The following SPOUT1 variants were observed in gnomAD, a reference collection of about 807,000 sequenced individuals.
The protein encoded by SPOUT1 is 28S rRNA (uridine-N(3))-methyltransferase.
In SPOUT1, 40 loss-of-function variants were observed where a neutral mutation model predicts 54.8. The ratio of observed to expected loss-of-function variants is 0.73; its 90% CI spans 0.57 to 0.95. The LOEUF (loss-of-function observed/expected upper bound fraction) is 0.95, where lower values mean the gene tolerates loss of function less well. Among genes scored for constraint, SPOUT1 ranks in the 40% least tolerant of loss-of-function variants. The probability of loss-of-function intolerance (pLI) is 0.00; values close to 1 mark genes in which losing one functional copy is unlikely to be tolerated. For missense variants in SPOUT1, 437 were observed against 499.5 expected (o/e 0.87, Z 1.19); for synonymous variants, 193 against 200.3 (o/e 0.96, Z 0.31).
intron 3 of SPOUT1, among the ~76,000 whole-genome samples, chr9:128,828,174 A>G (rs1245893653): frequency 6.6e-6 from 1 of 152,172 alleles, no homozygotes; most frequent in African/African-American, 2.4e-5. Flanking sequence ...CAGGAAGATC[A>G]TGAAGTTCTA....
chr9:128,826,317 A>G lies in SPOUT1; in HGVS notation c.508+67T>C. The G allele has an allele frequency of 6.3e-7, 1 of 1,584,632 alleles. No individual in the cohort carries two copies. The highest frequency in any genetic ancestry group is 8.7e-7 in the Non-Finnish European group (1 of 1,153,394). On this transcript the variant is annotated intron_variant, in intron 6 of 11. Coordinates refer to ENST00000361256, the MANE Select transcript of SPOUT1 (RefSeq NM_016390.4). This position sits in a 1 kb window ranked among gnomAD's most constrained non-coding sequence, Gnocchi z 5.5. ...TCCCACCTGGACAGCGCAGGGTAGG[A>G]CTGGGTGGTCTCAGTGTCTGTGGCA...
chr9:128,822,207 G>A lies in SPOUT1; in HGVS notation c.*558C>T, dbSNP rs1013067813. The A allele has an allele frequency of 1.4e-5, 17 of 1,223,870 alleles. No homozygotes were observed. Among genetic ancestry groups the A allele is most frequent in the Non-Finnish European group, 1.8e-5 (16 of 890,174 alleles). The allele number at this position is 1,223,870 out of a possible 1,614,324, so 75.8% of individuals were successfully genotyped here. A position where few individuals can be genotyped will look rare whatever the true frequency, so the allele number is the denominator to read the frequency against. ...CCAGGCAGGCTACAGAAGTCTCACA[G>A]TGAGGGCGTGGTCCTGCAGGTTGAC... On this transcript the variant is annotated 3_prime_UTR_variant, in exon 12 of 12. Coordinates refer to ENST00000361256, the MANE Select transcript of SPOUT1 (RefSeq NM_016390.4).
chr9:128,826,574 G>A lies in SPOUT1; in HGVS notation c.424C>T (p.Leu142=), dbSNP rs1445192505. ...VGKKGQACVQ[L]ARILQYLECP... ...TCCAGGTACTGCAGGATCCGGGCCA[G>A]CTGTACGCACGCCTGCCCCTTCTTC... The change falls in exon 5 of 12, where the codon CTG becomes TTG. Residue 142 remains leucine (L), a synonymous_variant. Transcript: ENST00000361256. This position sits in a 1 kb window ranked among gnomAD's most constrained non-coding sequence, Gnocchi z 5.5. 4 of 1,607,432 alleles carry A rather than the reference G, an allele frequency of 2.5e-6. No homozygotes were observed. The highest frequency in any genetic ancestry group is 1.7e-4 in the Middle Eastern group (1 of 6,032).
At chr9:128,823,965 T>A (rs891223346) in intron 10 of SPOUT1, 71 bp from the exon 11 acceptor site, 2 of 1,592,244 alleles carry the variant, frequency 1.3e-6, no homozygotes, top group African/African-American at 2.7e-5. Context: ...CAGACCTCAG[T>A]CCCTCCCCAC....
In SPOUT1 at chr9:128,822,702, A is replaced by C; in HGVS notation, c.*63T>G. The C allele has an allele frequency of 6.4e-7, 1 of 1,554,302 alleles. No individual in the cohort carries two copies. The highest frequency in any genetic ancestry group is 8.7e-7 in the Non-Finnish European group (1 of 1,148,238). The stretch of plus-strand genomic sequence containing the variant: ...GACAAGTCTGGTGGCGTCCGTCCCA[A>C]GTGACCTGCAGAGCCCCTGGTTTCA... On this transcript the variant is annotated 3_prime_UTR_variant, in exon 12 of 12. Transcript: ENST00000361256.
At chr9:128,829,065 G>T in intron 2 of SPOUT1, 45 bp downstream of exon 2, 1 of 1,563,886 alleles carries the variant, frequency 6.4e-7, no homozygotes, top group Non-Finnish European at 8.8e-7. Flanking sequence ...ACTGAGCACT[G>T]GTGGAGTGGC....
rs1830149032 is a variant in SPOUT1 at position 128,822,661 on chromosome 9, G to A, written c.*104C>T. On this transcript the variant is annotated 3_prime_UTR_variant, in exon 12 of 12. Coordinates refer to ENST00000361256, the MANE Select transcript of SPOUT1 (RefSeq NM_016390.4). ...TGTGTGCAGGCCGGGGAGTATTAAA[G>A]GTGGTGATTTTTGGAGACAAGTCTG... The A allele has an allele frequency of 1.3e-6, 2 of 1,554,678 alleles. No homozygotes were observed. The highest frequency in any genetic ancestry group is 2.0e-5 in the Admixed American group (1 of 51,096).
At position 128,826,148 on chromosome 9, in the gene SPOUT1, G is replaced by A. The variant is rs148527004; in HGVS notation, c.513C>T (p.Leu171=). ...GGTGGGGGCTGTCCAGGGGGTTCAG[G>A]AGCCCTGTGGAGGCAGAGCCGGGAA... The part of the protein sequence containing the change: ...PKHQDLQFAG[L]LNPLDSPHHM... The change falls in exon 7 of 12, where the codon CTC becomes CTT. Residue 171 remains leucine (L), a synonymous_variant. Coordinates refer to ENST00000361256, the MANE Select transcript of SPOUT1 (RefSeq NM_016390.4). The surrounding 1 kb of genome is among the most constrained non-coding windows in gnomAD (Gnocchi z 5.5). 7 of 1,604,054 alleles carry A rather than the reference G, an allele frequency of 4.4e-6. No individual in the cohort carries two copies. The highest frequency in any genetic ancestry group is 5.1e-6 in the Non-Finnish European group (6 of 1,174,856).
In SPOUT1 at chr9:128,824,799, G is replaced by T; in HGVS notation, c.783C>A (p.Gly261=). 6.2e-7 allele frequency: 1 copy of T among 1,613,796 alleles called. No individual in the cohort carries two copies. Among genetic ancestry groups the T allele is most frequent in the Non-Finnish European group, 8.5e-7 (1 of 1,179,710 alleles). The change falls in exon 9 of 12, where the codon GGC becomes GGA. Residue 261 remains glycine, a synonymous_variant. Transcript: ENST00000361256. ...GGCAGGAAGCCAGTCGGACGGTGTA[G>T]CCCCAGTAGAGACCAGCTTTGGTGC... ...DPRTKAGLYW[G]YTVRLASCLS...
At chr9:128,827,846 G>T (rs1830271174) in intron 3 of SPOUT1, among the ~76,000 whole-genome samples, 1 of 152,176 alleles carries the variant, frequency 6.6e-6, no homozygotes, top group African/African-American at 2.4e-5. Flanking sequence ...CGATTGAACT[G>T]GGAAGTGGAG....
In SPOUT1 at chr9:128,825,055, G is replaced by T; in HGVS notation, c.640-6C>A. 1 of 1,560,320 alleles carries T rather than the reference G, an allele frequency of 6.4e-7. No individual in the cohort carries two copies. The highest frequency in any genetic ancestry group is 2.4e-5 in the East Asian group (1 of 42,366). On this transcript the variant is annotated splice_region_variant and splice_polypyrimidine_tract_variant and intron_variant, in intron 7 of 11. Transcript: ENST00000361256. ...TTCTTGTCAATCTTCACCTCCTGGG[G>T]AGAAGCCAGAAGAAATGGGTGCCAT...
Position 128,820,967 on chromosome 9 carries a change from T to G in SPOUT1, c.*1798A>C. On this transcript the variant is annotated 3_prime_UTR_variant, in exon 12 of 12. Transcript: ENST00000361256. ...AATACCAGTTCCCTACTCATCTGGT[T>G]TCTTGGCAAGCCTGTCAGCTTCCCT... 1 of 897,266 alleles carries G rather than the reference T, an allele frequency of 1.1e-6. No homozygotes were observed. Among genetic ancestry groups the G allele is most frequent in the East Asian group, 2.7e-5 (1 of 37,612 alleles). The allele number at this position is 897,266 out of a possible 1,614,324, so 55.6% of individuals were successfully genotyped here.
chr9:128,825,153 A>G, intron 7 of SPOUT1, 104 bp from the exon 8 acceptor site: 1 of 817,032 alleles, frequency 1.2e-6, no homozygotes, highest in East Asian at 2.7e-5. Context: ...GCAAGGGACC[A>G]AGGGGTCCAG....
At chr9:128,829,068 G>C (rs747876186) in intron 2 of SPOUT1, 42 bp downstream of exon 2, 1 of 1,571,590 alleles carries the variant, frequency 6.4e-7, no homozygotes, top group East Asian at 2.2e-5. Context: ...GAGCACTGGT[G>C]GAGTGGCCTA....
chr9:128,820,428 AC>A lies in SPOUT1; in HGVS notation c.*2336del. The A allele has an allele frequency of 3.1e-6, 1 of 320,922 alleles. No homozygotes were observed. Among genetic ancestry groups the A allele is most frequent in the Non-Finnish European group, 5.8e-6 (1 of 172,814 alleles). The allele number at this position is 320,922 out of a possible 1,614,324, so 19.9% of individuals were successfully genotyped here. On this transcript the variant is annotated 3_prime_UTR_variant, in exon 12 of 12. Transcript: ENST00000361256. ...TTGGAAGGGCTGGTCTTCCCAGGAGACCCTGGGTGGGGCTGGGGACAGGCCT... is the reference window on the plus strand; with the variant it reads ...TTGGAAGGGCTGGTCTTCCCAGGAGACCTGGGTGGGGCTGGGGACAGGCCT...
At position 128,820,725 on chromosome 9, in the gene SPOUT1, A is replaced by C. The variant is rs565666069; in HGVS notation, c.*2040T>G. The C allele has an allele frequency of 1.4e-4, 231 of 1,599,950 alleles. 3 individuals are homozygous for C. In the South Asian group the frequency reaches 2.2e-3, roughly 15 times the overall value. On this transcript the variant is annotated 3_prime_UTR_variant, in exon 12 of 12. Coordinates refer to ENST00000361256, the MANE Select transcript of SPOUT1 (RefSeq NM_016390.4). ...CCCAGCCACAGTCCTGCTAAGCCCTATCTCTCCTACCAGGTGCCCCACCTC... is the reference window on the plus strand; with the variant it reads ...CCCAGCCACAGTCCTGCTAAGCCCTCTCTCTCCTACCAGGTGCCCCACCTC...
chr9:128,826,097 C>G lies in SPOUT1; in HGVS notation c.564G>C (p.Glu188Asp), dbSNP rs1350891224. The change falls in exon 7 of 12, where the codon GAG (glutamate) becomes GAC (aspartate). Residue 188 changes from glutamate (E) to aspartate (D), a missense_variant. Glu to Asp is a conservative substitution (Grantham distance 45). Coordinates refer to ENST00000361256, the MANE Select transcript of SPOUT1 (RefSeq NM_016390.4). The surrounding 1 kb of genome is among the most constrained non-coding windows in gnomAD (Gnocchi z 5.5). The stretch of plus-strand genomic sequence containing the variant: ...GATCCACCACGATGCCCTCTCGGAA[C>G]TCGGATTCCTCATCCTGACGCATGT... ...PHHMRQDEES[E>D]FREGIVVDRP... The G allele has an allele frequency of 3.7e-6, 6 of 1,613,742 alleles. No homozygotes were observed. The South Asian group carries it at 6.6e-5, about 18-fold the overall frequency.
rs1247838119 is a variant in SPOUT1, at chr9:128,827,149, A to G, written c.251T>C (p.Leu84Pro). The G allele has an allele frequency of 6.2e-7, 1 of 1,613,984 alleles. No homozygotes were observed. The highest frequency in any genetic ancestry group is 2.2e-5 in the East Asian group (1 of 44,882). Reference protein sequence around the residue: ...TLSVALPGSILDNAQSPELRT... With the variant: ...TLSVALPGSIPDNAQSPELRT... ...AAGCTCCGGCGACTGAGCATTGTCCAGGATGGAGCCCGGCAGGGCTACGCT... is the reference window on the plus strand; with the variant it reads ...AAGCTCCGGCGACTGAGCATTGTCCGGGATGGAGCCCGGCAGGGCTACGCT... The change falls in exon 4 of 12, where the codon CTG (leucine) becomes CCG (proline). Residue 84 changes from leucine (L) to proline (P), a missense_variant. By Grantham distance (98) the Leu-to-Pro change is moderately conservative. Transcript: ENST00000361256.
rs1429315497 is a variant in SPOUT1, at chr9:128,829,040, T to C, written c.82+70A>G. ...ACCCAGAGGGAACAAAGTTGGTGTC[T>C]TTCTCCAGGGTTTGACTGAGCACTG... is the stretch of plus-strand genomic sequence containing the variant. On this transcript the variant is annotated intron_variant, in intron 2 of 11. Coordinates refer to ENST00000361256, the MANE Select transcript of SPOUT1 (RefSeq NM_016390.4). 1.4e-5 allele frequency: 21 copies of C among 1,535,864 alleles called. No homozygotes were observed. The South Asian group carries it at 1.9e-4, about 14-fold the overall frequency.
Sources: gnomAD v4.1 joint callset for allele counts (sites outside exome capture counted in the v4.1 genomes callset) on GRCh38, gnomAD v4.1.1 for gene constraint, Gnocchi (gnomAD v3.1) non-coding constraint, MANE v1.5 for transcripts, NCBI Gene and HGNC (gene_info 2026-07-23, HGNC 2026-07-21) for gene names.